SEZ6L: variants seen among roughly 807,000 people sequenced by gnomAD.
The protein encoded by SEZ6L is seizure related 6 homolog like, also known as seizure 6-like protein.
In SEZ6L, 37 loss-of-function variants were observed where a neutral mutation model predicts 106.2. The observed-to-expected ratio is 0.35, with a 90% CI of 0.27 to 0.46. SEZ6L has a LOEUF of 0.46. SEZ6L is among the 20% of genes least tolerant of loss of function. The pLI is 1.00. For missense variants in SEZ6L, 1,172 were observed against 1,332.8 expected (o/e 0.88, Z 1.88); for synonymous variants, 541 against 570.4 (o/e 0.95, Z 0.73).
In SEZ6L at chr22:26,266,574, AAAATAAATAAATAAATAAATAAATAAAT is replaced by A. The variant is rs55949237; in HGVS notation, c.95-25814_95-25787del. Among the ~76,000 whole-genome samples, 738 of 144,700 alleles carry A rather than the reference AAAATAAATAAATAAATAAATAAATAAAT, an allele frequency of 5.1e-3. 6 individuals carry two copies. Among genetic ancestry groups the A allele is most frequent in the African/African-American group, 0.018 (707 of 39,190 alleles). 94.9% of individuals were successfully genotyped at this position (144,700 alleles called of 152,430 possible). On this transcript the variant is annotated intron_variant, in intron 1 of 16. Coordinates refer to ENST00000248933, the MANE Select transcript of SEZ6L (RefSeq NM_021115.5). Reference sequence around the variant, plus strand: ...GGCAAAAGAGCGAGACTCCGTCTCAAAAATAAATAAATAAATAAATAAATAAATAAATAAATAAATAAATAGCAACATA... The same window carrying A: ...GGCAAAAGAGCGAGACTCCGTCTCAAAAATAAATAAATAAATAGCAACATA...
chr22:26,258,100 G>A (rs1015930460), intron 1 of SEZ6L, among the ~76,000 whole-genome samples: 1 of 152,130 alleles, frequency 6.6e-6, no homozygotes, highest in Non-Finnish European at 1.5e-5. Flanking sequence ...TCTTTTGTGA[G>A]CATCCGCTCT....
At chr22:26,305,661 G>A (rs2081606056) in intron 5 of SEZ6L, among the ~76,000 whole-genome samples, 2 of 152,210 alleles carry the variant, frequency 1.3e-5, no homozygotes, top group Admixed American at 1.3e-4. Flanking sequence ...GGCACAGCCA[G>A]CACCACAGAA....
At chr22:26,206,051 C>T (rs6004958) in intron 1 of SEZ6L, among the ~76,000 whole-genome samples, 2,230 of 152,300 alleles carry the variant, frequency 0.015, 55 homozygotes, top group African/African-American at 0.051. Flanking sequence ...AACTTGGCCT[C>T]TCCTATAGAA....
intron 10 of SEZ6L, among the ~76,000 whole-genome samples, chr22:26,342,308 G>A (rs1362272172): frequency 6.6e-6 from 1 of 152,040 alleles, no homozygotes; most frequent in South Asian, 2.1e-4. Flanking sequence ...ATCCTACCCA[G>A]CCCTCTGCCA....
At chr22:26,304,319 T>C (rs1477323397) in intron 5 of SEZ6L, among the ~76,000 whole-genome samples, 1 of 143,308 alleles carries the variant, frequency 7.0e-6, no homozygotes, top group African/African-American at 2.6e-5. Context: ...GCCATTGCAC[T>C]CTAGCCTGGG....
intron 1 of SEZ6L, among the ~76,000 whole-genome samples, chr22:26,206,380 C>A (rs1446409074): frequency 6.6e-6 from 1 of 152,212 alleles, no homozygotes; most frequent in Non-Finnish European, 1.5e-5. Flanking sequence ...ATTTTTAAAA[C>A]ATTGAATTAA....
chr22:26,293,236 GC>G, intron 2 of SEZ6L, 90 bp downstream of exon 2: 1 of 1,429,140 alleles, frequency 7.0e-7, no homozygotes, highest in African/African-American at 1.4e-5. Flanking sequence ...ATCTCAAGAA[GC>G]CCCGGCCCCA....
intron 5 of SEZ6L, among the ~76,000 whole-genome samples, chr22:26,304,364 AGAAAGAAGAAAGAAAGAAAGAAAGAAAG>A (rs2081551815): frequency 4.6e-5 from 4 of 86,266 alleles, no homozygotes; most frequent in African/African-American, 2.2e-4. Context: ...AAAAAAAAAA[AGAAAGAAGAAAGAAAGAAAGAAAGAAAG>A]AAAGAAAGAA....
chr22:26,244,488 A>T (rs895685287), intron 1 of SEZ6L: 4 of 152,266 alleles, frequency 2.6e-5, no homozygotes, highest in African/African-American at 7.2e-5. Flanking sequence ...GCTCAGCCAC[A>T]GGGAACTCTA....
At chr22:26,285,013 A>G (rs1413857558) in intron 1 of SEZ6L, among the ~76,000 whole-genome samples, 1 of 152,190 alleles carries the variant, frequency 6.6e-6, no homozygotes, top group Non-Finnish European at 1.5e-5. Context: ...ATGGAGTATA[A>G]ATCGCCACTT....
chr22:26,205,653 G>A (rs893360828), intron 1 of SEZ6L, among the ~76,000 whole-genome samples: 8 of 146,404 alleles, frequency 5.5e-5, no homozygotes, highest in African/African-American at 2.0e-4. Context: ...TCGGTGGTGG[G>A]GGATGGGGAA....
At chr22:26,379,399 G>A (rs906636591) in intron 16 of SEZ6L, among the ~76,000 whole-genome samples, 1 of 152,240 alleles carries the variant, frequency 6.6e-6, no homozygotes, top group Non-Finnish European at 1.5e-5. Flanking sequence ...CCCCACAAAG[G>A]CATGAGCCCC....
chr22:26,311,995 C>T (rs775152339), intron 8 of SEZ6L, 33 bp downstream of exon 8: 2 of 1,593,710 alleles, frequency 1.3e-6, no homozygotes, highest in African/African-American at 1.3e-5. Context: ...TCCCACGGCA[C>T]CCCAGGGATC....
chr22:26,344,940 A>T (rs1416476544), intron 10 of SEZ6L, among the ~76,000 whole-genome samples: 1 of 152,192 alleles, frequency 6.6e-6, no homozygotes, highest in African/African-American at 2.4e-5. Context: ...AAGTCTTCCA[A>T]CTCCTAGGAC....
intron 1 of SEZ6L, among the ~76,000 whole-genome samples, chr22:26,249,838 AT>A (rs1190943666): frequency 1.3e-5 from 2 of 151,988 alleles, no homozygotes; most frequent in Non-Finnish European, 2.9e-5. Context: ...CCAGCATGTT[AT>A]TTTTTGTCTT....
In SEZ6L at chr22:26,275,501, A is replaced by C. The variant is rs547549779; in HGVS notation, c.95-16905A>C. On this transcript the variant is annotated intron_variant, in intron 1 of 16. Coordinates refer to ENST00000248933, the MANE Select transcript of SEZ6L (RefSeq NM_021115.5). ...GAGCACCTATATTGTCATTCCTCTTAAGGTTTTATTTGAAGGAATGATTCC... is the reference window on the plus strand; with the variant it reads ...GAGCACCTATATTGTCATTCCTCTTCAGGTTTTATTTGAAGGAATGATTCC... Among the ~76,000 whole-genome samples the C allele has an allele frequency of 1.2e-3, 187 of 152,262 alleles. 2 individuals are homozygous for C. The highest frequency in any genetic ancestry group is 0.011 in the Admixed American group (174 of 15,300).
At position 26,375,608 on chromosome 22, in the gene SEZ6L, G is replaced by A. The variant is rs200000489; in HGVS notation, c.2861G>A (p.Gly954Glu). ...GCGGCAGCAGAGACGTCGCTGGAAG[G>A]GGGGAACATGGCCCTGGCTATCTTC... ...AEAAAETSLE[G>E]GNMALAIFIP... Residue 954 changes from glycine (G) to glutamate (E), a missense_variant, in exon 15 of 17, where the codon GGG (glycine) becomes GAG (glutamate). This residue lies in a region of SEZ6L where 141 missense variants were observed against 176.0 expected (regional missense o/e 0.80). Transcript: ENST00000248933. The A allele has an allele frequency of 7.4e-6, 12 of 1,614,020 alleles. No homozygotes were observed. The East Asian group carries it at 1.3e-4, about 18-fold the overall frequency.
intron 1 of SEZ6L, among the ~76,000 whole-genome samples, chr22:26,264,017 G>A (rs1448066283): frequency 6.6e-6 from 1 of 152,184 alleles, no homozygotes; most frequent in East Asian, 1.9e-4. Context: ...TCTACCTCAC[G>A]TGTGAAACCC....
chr22:26,223,950 C>G (rs1332695724), intron 1 of SEZ6L, among the ~76,000 whole-genome samples: 1 of 152,032 alleles, frequency 6.6e-6, no homozygotes, highest in African/African-American at 2.4e-5. Context: ...ATCATTTTTG[C>G]TTTTAATGAA....
Sources: allele counts gnomAD v4.1 joint callset (sites outside exome capture counted in the v4.1 genomes callset), GRCh38; gene constraint gnomAD v4.1.1; regional missense constraint gnomAD v4.1.1; transcripts MANE v1.5; gene names NCBI Gene and HGNC (gene_info 2026-07-23, HGNC 2026-07-21).